PDGFC: variants seen among roughly 807,000 people sequenced by gnomAD.
The protein encoded by PDGFC is platelet derived growth factor C, also known as platelet-derived growth factor C.
A neutral mutation model predicts 35.5 loss-of-function variants in PDGFC; 12 were observed. That is an observed-to-expected ratio of 0.34 (90% confidence interval 0.22 to 0.55). The LOEUF (loss-of-function observed/expected upper bound fraction) is 0.55. Ranked by LOEUF, PDGFC falls within the 20% of genes least tolerant of loss-of-function variation. PDGFC has a pLI of 0.91. For synonymous variants in PDGFC, 159 were observed against 148.8 expected (o/e 1.07, Z -0.50); for missense variants, 322 against 412.4 (o/e 0.78, Z 1.90).
chr4:156,793,577 T>C (rs963460732), intron 3 of PDGFC, among the ~76,000 whole-genome samples: 4 of 146,948 alleles, frequency 2.7e-5, no homozygotes, highest in Non-Finnish European at 6.0e-5. Flanking sequence ...CACTTTAAAA[T>C]GTTATATGTG....
intron 1 of PDGFC, among the ~76,000 whole-genome samples, chr4:156,947,588 T>C (rs1731977021): frequency 6.6e-6 from 1 of 151,984 alleles, no homozygotes; most frequent in African/African-American, 2.4e-5. Flanking sequence ...TATGTGTAGA[T>C]AAATTAATGA....
intron 1 of PDGFC, among the ~76,000 whole-genome samples, chr4:156,900,028 A>G (rs1730728916): frequency 6.6e-6 from 1 of 152,192 alleles, no homozygotes; most frequent in South Asian, 2.1e-4. Context: ...GCATCTCTAA[A>G]TAAATATTAT....
chr4:156,907,529 T>C lies in PDGFC; in HGVS notation c.119-57113A>G, dbSNP rs78806009. 9.9e-5 allele frequency among the ~76,000 whole-genome samples: 15 copies of C among 152,284 alleles called. No homozygotes were observed. In the East Asian group the frequency reaches 2.3e-3, roughly 24 times the overall value. ...GCATCTTTCAATTCACCTCAATGTC[T>C]AGAGACATTGAGGGCCCCCCACTCA... On this transcript the variant is annotated intron_variant, in intron 1 of 5. Coordinates refer to ENST00000502773, the MANE Select transcript of PDGFC (RefSeq NM_016205.3).
chr4:156,914,567 C>A (rs1235440741), intron 1 of PDGFC, among the ~76,000 whole-genome samples: 1 of 152,194 alleles, frequency 6.6e-6, no homozygotes, highest in African/African-American at 2.4e-5. Context: ...GTCAGATTCA[C>A]CAAATAATTC....
chr4:156,879,697 T>C (rs1730196881), intron 1 of PDGFC, among the ~76,000 whole-genome samples: 2 of 152,246 alleles, frequency 1.3e-5, no homozygotes, highest in Non-Finnish European at 2.9e-5. Flanking sequence ...AGATTTTTAC[T>C]GTTTTCATTT....
intron 1 of PDGFC, among the ~76,000 whole-genome samples, chr4:156,868,544 A>C (rs535299266): frequency 6.6e-6 from 1 of 152,306 alleles, no homozygotes; most frequent in African/African-American, 2.4e-5. Flanking sequence ...AGGATATGTA[A>C]AAGCAACTCT....
chr4:156,823,962 G>A (rs890533679), intron 2 of PDGFC, among the ~76,000 whole-genome samples: 1 of 152,060 alleles, frequency 6.6e-6, no homozygotes, highest in Non-Finnish European at 1.5e-5. Context: ...TATGCAAGGT[G>A]CAATAAGCCA....
At chr4:156,845,000 A>G (rs1404203363) in intron 2 of PDGFC, among the ~76,000 whole-genome samples, 1 of 152,004 alleles carries the variant, frequency 6.6e-6, no homozygotes, top group Non-Finnish European at 1.5e-5. Context: ...GAATATTTGA[A>G]AAAACTAAAT....
At chr4:156,860,418 G>C (rs185398461) in intron 1 of PDGFC, among the ~76,000 whole-genome samples, 54 of 152,120 alleles carry the variant, frequency 3.5e-4, no homozygotes, top group Admixed American at 3.5e-3. Flanking sequence ...CCATTTCCTT[G>C]ACAATTCTTT....
At chr4:156,963,309 T>G (rs1427110308) in intron 1 of PDGFC, among the ~76,000 whole-genome samples, 2 of 151,320 alleles carry the variant, frequency 1.3e-5, no homozygotes, top group African/African-American at 4.9e-5. Flanking sequence ...TCTCTAAAAA[T>G]AAATACAAAT....
chr4:156,959,162 G>A (rs1381510221), intron 1 of PDGFC, among the ~76,000 whole-genome samples: 1 of 151,942 alleles, frequency 6.6e-6, no homozygotes, highest in African/African-American at 2.4e-5. Flanking sequence ...TTTCAAAGTT[G>A]AAAAGCTTTA....
At chr4:156,937,797 CA>C (rs1731719241) in intron 1 of PDGFC, among the ~76,000 whole-genome samples, 1 of 152,020 alleles carries the variant, frequency 6.6e-6, no homozygotes, top group Non-Finnish European at 1.5e-5. Flanking sequence ...TGTGTTTACA[CA>C]ATACAATACA....
intron 1 of PDGFC, among the ~76,000 whole-genome samples, chr4:156,905,721 C>T (rs1357502165): frequency 6.6e-6 from 1 of 152,040 alleles, no homozygotes; most frequent in African/African-American, 2.4e-5. Context: ...ACACTATTTG[C>T]CCAGATACCA....
At chr4:156,956,501 A>G (rs893157418) in intron 1 of PDGFC, among the ~76,000 whole-genome samples, 9 of 152,068 alleles carry the variant, frequency 5.9e-5, no homozygotes, top group African/African-American at 1.9e-4. Context: ...GAACTCTATT[A>G]TAAGAAGATT....
intron 1 of PDGFC, among the ~76,000 whole-genome samples, chr4:156,883,455 A>T (rs1166535332): frequency 5.9e-5 from 9 of 152,164 alleles, no homozygotes; most frequent in Admixed American, 5.9e-4. Context: ...TCTCTTTCAT[A>T]CTTACTTTAC....
intron 1 of PDGFC, among the ~76,000 whole-genome samples, chr4:156,883,065 C>G (rs1184467924): frequency 7.0e-6 from 1 of 142,838 alleles, no homozygotes; most frequent in Admixed American, 7.4e-5. Context: ...GCCTGAGCGA[C>G]AGAGCAAGAT....
intron 2 of PDGFC, among the ~76,000 whole-genome samples, chr4:156,816,529 T>C (rs1182332620): frequency 1.3e-5 from 2 of 152,142 alleles, no homozygotes; most frequent in Non-Finnish European, 2.9e-5. Context: ...AGACACTGTT[T>C]TTTCTTAGGT....
chr4:156,941,275 G>T (rs917346707), intron 1 of PDGFC, among the ~76,000 whole-genome samples: 3 of 152,122 alleles, frequency 2.0e-5, no homozygotes, highest in Non-Finnish European at 4.4e-5. Context: ...CAGTTTAAAA[G>T]TAATGCTATT....
At chr4:156,943,937 C>T (rs1731874987) in intron 1 of PDGFC, among the ~76,000 whole-genome samples, 2 of 152,088 alleles carry the variant, frequency 1.3e-5, no homozygotes, top group South Asian at 2.1e-4. Context: ...TCCCTTAAAA[C>T]AAATATGTTG....
Sources: allele counts gnomAD v4.1 joint callset (sites outside exome capture counted in the v4.1 genomes callset), GRCh38; gene constraint gnomAD v4.1.1; transcripts MANE v1.5; gene names NCBI Gene and HGNC (gene_info 2026-07-23, HGNC 2026-07-21).